The following DCC variants were observed in gnomAD, a reference collection of about 807,000 sequenced individuals.
DCC encodes netrin receptor DCC.
In DCC, 58 loss-of-function variants were observed where a neutral mutation model predicts 172.5. That is an observed-to-expected ratio of 0.34 (90% CI 0.27 to 0.42). The LOEUF is 0.42. Among genes scored for constraint, DCC ranks in the 10% least tolerant of loss-of-function variants. DCC has a pLI of 1.00. For synonymous variants in DCC, 709 were observed against 644.5 expected, an observed-to-expected ratio of 1.10 and a Z score of -1.52; for missense variants, 1,740 against 1,791.0, an observed-to-expected ratio of 0.97 and a Z score of 0.51.
intron 2 of DCC, among the ~76,000 whole-genome samples, chr18:52,866,796 G>T (rs945873556): frequency 9.2e-5 from 14 of 152,122 alleles, no homozygotes; most frequent in African/African-American, 3.4e-4. Flanking sequence ...AGACTATGGG[G>T]TTTTCTAAAT....
At chr18:53,339,153 C>G (rs960947679) in intron 14 of DCC, among the ~76,000 whole-genome samples, 1 of 152,194 alleles carries the variant, frequency 6.6e-6, no homozygotes, top group Admixed American at 6.5e-5. Flanking sequence ...ATCCAGGCCA[C>G]TGTCTTCTTT....
chr18:53,219,520 T>C lies in DCC; in HGVS notation c.1911+3923T>C, dbSNP rs1298062914. Reference sequence around the variant, plus strand: ...CATTGTTCAGATTTAAATTTTTAAATGCAAATTGATGGATTCCTCTCATTA... The same window carrying C: ...CATTGTTCAGATTTAAATTTTTAAACGCAAATTGATGGATTCCTCTCATTA... On this transcript the variant is annotated intron_variant, in intron 12 of 28. Coordinates refer to ENST00000442544, the MANE Select transcript of DCC (RefSeq NM_005215.4). 2.6e-5 allele frequency among the ~76,000 whole-genome samples: 4 copies of C among 152,136 alleles called. No homozygotes were observed. In the East Asian group the frequency reaches 5.8e-4, roughly 22 times the overall value.
In DCC at chr18:53,350,827, C is replaced by T. The variant is rs569220252; in HGVS notation, c.2359+10920C>T. 2.0e-5 allele frequency among the ~76,000 whole-genome samples: 3 copies of T among 152,026 alleles called. No homozygotes were observed. In the South Asian group the frequency reaches 6.2e-4, roughly 32 times the overall value. Reference sequence around the variant, plus strand: ...TAAAAATCTAAACCACACAGTGATGCTCAGTTTGATGTGAAAGACAAAAAC... The same window carrying T: ...TAAAAATCTAAACCACACAGTGATGTTCAGTTTGATGTGAAAGACAAAAAC... On this transcript the variant is annotated intron_variant, in intron 15 of 28. Transcript: ENST00000442544.
chr18:52,926,813 G>A lies in DCC; in HGVS notation c.985+1443G>A, dbSNP rs1342810090. 2.9e-5 allele frequency among the ~76,000 whole-genome samples: 4 copies of A among 138,496 alleles called. No homozygotes were observed. The East Asian group carries it at 9.0e-4, about 31-fold the overall frequency. 90.9% of individuals were successfully genotyped at this position (138,496 alleles called of 152,430 possible). A position where few individuals can be genotyped will look rare whatever the true frequency, so the allele number is the denominator to read the frequency against. On this transcript the variant is annotated intron_variant, in intron 5 of 28. Transcript: ENST00000442544. ...TATACACACACACATATACATATGT[G>A]TGTGTATATATACATATACATACAC... is the stretch of plus-strand genomic sequence containing the variant.
intron 5 of DCC, among the ~76,000 whole-genome samples, chr18:53,024,554 C>T (rs1051922302): frequency 3.3e-5 from 5 of 152,128 alleles, no homozygotes; most frequent in Admixed American, 1.3e-4. Context: ...GAGGTTTCAT[C>T]CACTGAATCA....
chr18:53,461,658 C>A (rs1404931828), intron 24 of DCC, among the ~76,000 whole-genome samples: 1 of 152,198 alleles, frequency 6.6e-6, no homozygotes, highest in East Asian at 1.9e-4. Flanking sequence ...TTACTGTACT[C>A]TGTCATCTCA....
At chr18:53,192,656 G>C (rs577989959) in intron 9 of DCC, among the ~76,000 whole-genome samples, 1 of 152,186 alleles carries the variant, frequency 6.6e-6, no homozygotes, top group South Asian at 2.1e-4. Flanking sequence ...ATAGAAGTAG[G>C]GTGTGAAATT....
chr18:53,147,767 C>T (rs773609605), intron 7 of DCC, among the ~76,000 whole-genome samples: 4 of 152,102 alleles, frequency 2.6e-5, no homozygotes, highest in Non-Finnish European at 5.9e-5. Context: ...TGAACATATC[C>T]TAGAAATGAG....
chr18:53,526,196 T>A (rs2046452945), intron 27 of DCC, among the ~76,000 whole-genome samples: 3 of 152,168 alleles, frequency 2.0e-5, no homozygotes, highest in African/African-American at 7.2e-5. Context: ...AGAGCAACCA[T>A]CTCTTCTAAC....
At chr18:53,279,429 T>C (rs897914632) in intron 12 of DCC, among the ~76,000 whole-genome samples, 1 of 139,886 alleles carries the variant, frequency 7.1e-6, no homozygotes, top group Admixed American at 8.1e-5. Flanking sequence ...TTTTCACTCA[T>C]AGGTGGGAAT....
At chr18:52,973,639 T>C (rs751049440) in intron 5 of DCC, among the ~76,000 whole-genome samples, 50 of 152,266 alleles carry the variant, frequency 3.3e-4, no homozygotes, top group Non-Finnish European at 4.7e-4. Context: ...TCTTAGCACC[T>C]GAAGAGACCT....
chr18:52,992,226 C>T (rs2041405238), intron 5 of DCC, among the ~76,000 whole-genome samples: 1 of 152,114 alleles, frequency 6.6e-6, no homozygotes, highest in African/African-American at 2.4e-5. Flanking sequence ...ATCCCACCAC[C>T]CTAGTCAGTA....
intron 1 of DCC, among the ~76,000 whole-genome samples, chr18:52,417,056 AG>A (rs1199136924): frequency 6.6e-6 from 1 of 152,074 alleles, no homozygotes; most frequent in Non-Finnish European, 1.5e-5. Flanking sequence ...GAGCTTTTTT[AG>A]GGCAGGCCTG....
intron 10 of DCC, among the ~76,000 whole-genome samples, chr18:53,207,194 C>A (rs1041193675): frequency 9.2e-5 from 14 of 152,108 alleles, no homozygotes; most frequent in African/African-American, 3.4e-4. Flanking sequence ...CCATGAGAGG[C>A]TCAAATAATT....
At chr18:52,648,743 A>G (rs1435179473) in intron 1 of DCC, among the ~76,000 whole-genome samples, 2 of 152,216 alleles carry the variant, frequency 1.3e-5, no homozygotes, top group African/African-American at 4.8e-5. Flanking sequence ...AAACTTGAAA[A>G]TTACAGCCTT....
rs147316750 is a variant in DCC, at chr18:53,150,859, C to T, written c.1262-6497C>T. On this transcript the variant is annotated intron_variant, in intron 7 of 28. Coordinates refer to ENST00000442544, the MANE Select transcript of DCC (RefSeq NM_005215.4). ...TAAAGTCTCTGCACACTCCTGAAAC[C>T]TAGCTCCGCACTCTCAGAGACCCTC... Among the ~76,000 whole-genome samples, 571 of 152,324 alleles carry T rather than the reference C, an allele frequency of 3.7e-3. 2 individuals carry two copies. Among genetic ancestry groups the T allele is most frequent in the African/African-American group, 0.013 (552 of 41,572 alleles).
Position 52,907,238 on chromosome 18 carries a change from TATC to T in DCC, c.697+913_697+915del, listed in dbSNP as rs900201548. ...ATATATATCATATATACTTGATAGATATCATATATACATGATATGTCATGGATA... is the reference window on the plus strand; with the variant it reads ...ATATATATCATATATACTTGATAGATATATATACATGATATGTCATGGATA... On this transcript the variant is annotated intron_variant, in intron 3 of 28. Transcript: ENST00000442544. 3.7e-4 allele frequency among the ~76,000 whole-genome samples: 15 copies of T among 40,950 alleles called. No homozygotes were observed. In the East Asian group the frequency reaches 5.4e-3, roughly 15 times the overall value. The allele number at this position is 40,950 out of a possible 152,430, so 26.9% of individuals were successfully genotyped here.
chr18:52,602,400 A>AGTGTGTGTGTGTGTGTGTGT (rs71175506), intron 1 of DCC, among the ~76,000 whole-genome samples: 43 of 148,746 alleles, frequency 2.9e-4, no homozygotes, highest in East Asian at 2.0e-3. Flanking sequence ...TTAGTATCAA[A>AGTGTGTGTGTGTGTGTGTGT]GTGTGTGTGT....
intron 12 of DCC, among the ~76,000 whole-genome samples, chr18:53,279,647 TAAAAAA>T (rs34872786): frequency 7.2e-6 from 1 of 139,300 alleles, no homozygotes; most frequent in Non-Finnish European, 1.5e-5. Flanking sequence ...TAAAGTATAA[TAAAAAA>T]AAAAAAAAAA....
Sources: gnomAD v4.1 joint callset for allele counts (sites outside exome capture counted in the v4.1 genomes callset) on GRCh38, gnomAD v4.1.1 for gene constraint, MANE v1.5 for transcripts, NCBI Gene and HGNC (gene_info 2026-07-23, HGNC 2026-07-21) for gene names.